ADGRD2: variants seen among roughly 807,000 people sequenced by gnomAD.
The protein encoded by ADGRD2 is G protein-coupled receptor PGR24.
A neutral mutation model predicts 44.4 loss-of-function variants in ADGRD2; 71 were observed. The ratio of observed to expected loss-of-function variants is 1.60; its 90% CI spans 1.32 to 1.95. The LOEUF (loss-of-function observed/expected upper bound fraction) is 1.95. ADGRD2 is among the 30% of genes most tolerant of loss of function. ADGRD2 has a pLI of 0.00. For missense variants in ADGRD2, 1,039 were observed against 512.4 expected (o/e 2.03, Z -9.92); for synonymous variants, 481 against 224.8 (o/e 2.14, Z -10.19).
At chr9:124,467,643 G>GAGTC in intron 11 of ADGRD2, 78 bp from the exon 15 acceptor site, 1 of 702,004 alleles carries the variant, frequency 1.4e-6, no homozygotes, top group Non-Finnish European at 2.6e-6. Flanking sequence ...GGGGGCCTTA[G>GAGTC]AGTCACCAGG....
At position 124,456,749 on chromosome 9, in the gene ADGRD2, C is replaced by T. The variant is rs933081694; in HGVS notation, c.1505+16C>T. ...CGCCATGCTGGTGAGCCTGCACCCA[C>T]CTGCCCACACGGCTGGACTCAGACC... On this transcript the variant is annotated intron_variant, in intron 7 of 21. Transcript: ENST00000334810. The T allele has an allele frequency of 1.4e-5, 10 of 705,404 alleles. No individual in the cohort carries two copies. The highest frequency in any genetic ancestry group is 2.3e-5 in the Non-Finnish European group (9 of 384,954). The allele number at this position is 705,404 out of a possible 1,614,324, so 43.7% of individuals were successfully genotyped here.
At chr9:124,468,023 G>C in intron 12 of ADGRD2, 65 bp from the exon 16 acceptor site, 2 of 717,814 alleles carry the variant, frequency 2.8e-6, no homozygotes, top group South Asian at 3.0e-5. Context: ...GGGCAGGACA[G>C]GGCCCTACGG....
chr9:124,471,270 C>T (rs1471465824), intron 17 of ADGRD2, among the ~76,000 whole-genome samples: 2 of 152,144 alleles, frequency 1.3e-5, no homozygotes, highest in Non-Finnish European at 2.9e-5. Context: ...TGGACCACCC[C>T]CCAGGCACCT....
intron 13 of ADGRD2, 148 bp downstream of exon 16, chr9:124,468,338 G>A: frequency 1.5e-6 from 1 of 674,594 alleles, no homozygotes; most frequent in Non-Finnish European, 2.7e-6. Context: ...CAGGGCCCCG[G>A]GAGGAAAGGG....
chr9:124,472,457 TTTTTTGTTTGTTTTTTGTTTTTGTTTTG>T (rs2131258150), intron 17 of ADGRD2, among the ~76,000 whole-genome samples: 1 of 22,528 alleles, frequency 4.4e-5, no homozygotes, highest in East Asian at 3.1e-3. Flanking sequence ...TGTTTGTTTG[TTTTTTGTTTGTTTTTTGTTTTTGTTTTG>T]TTTTTGTTTT....
chr9:124,467,355 A>C, intron 11 of ADGRD2: 1 of 180,670 alleles, frequency 5.5e-6, no homozygotes, highest in Non-Finnish European at 1.2e-5. Flanking sequence ...AAAAAAAAAA[A>C]AAAAAAAAAG....
At chr9:124,452,514 C>T (rs1306230832) in exon 2 of ADGRD2, 2 of 718,518 alleles carry the variant, frequency 2.8e-6, no homozygotes. Context: ...TTTTAGCCCC[C>T]GTGGCCGCCG....
intron 17 of ADGRD2, among the ~76,000 whole-genome samples, chr9:124,471,733 G>C (rs1831947908): frequency 6.6e-6 from 1 of 152,182 alleles, no homozygotes; most frequent in African/African-American, 2.4e-5. Context: ...TCATCCATGT[G>C]CTCTTCATGG....
intron 17 of ADGRD2, among the ~76,000 whole-genome samples, chr9:124,473,616 G>A (rs755303050): frequency 1.2e-4 from 19 of 152,368 alleles, no homozygotes; most frequent in Admixed American, 7.2e-4. Context: ...TGGCCTGCAC[G>A]CTGGGGGACA....
intron 21 of ADGRD2, among the ~76,000 whole-genome samples, 166 bp from the exon 25 acceptor site, chr9:124,478,115 G>C (rs982463051): frequency 6.6e-6 from 1 of 152,188 alleles, no homozygotes; most frequent in African/African-American, 2.4e-5. Context: ...CTGAAAGGCC[G>C]CGGAGCCCTC....
intron 3 of ADGRD2, 102 bp downstream of exon 6, chr9:124,453,778 T>C (rs1323551292): frequency 1.6e-6 from 1 of 624,428 alleles, no homozygotes; most frequent in Non-Finnish European, 2.9e-6. Flanking sequence ...CGCCTAGCTC[T>C]GGCCACGCCC....
exon 16 of ADGRD2, chr9:124,469,503 G>A (rs1211258506): frequency 5.6e-6 from 4 of 718,034 alleles, no homozygotes; most frequent in Non-Finnish European, 1.0e-5. Context: ...CCCGCATGTT[G>A]AGCCCACAGC....
intron 21 of ADGRD2, among the ~76,000 whole-genome samples, chr9:124,478,039 G>T (rs1021947780): frequency 6.6e-6 from 1 of 151,562 alleles, no homozygotes; most frequent in Non-Finnish European, 1.5e-5. Context: ...TCAGCGGCCC[G>T]AGCTGGAAGC....
chr9:124,469,244 G>A (rs1454858753), exon 15 of ADGRD2: 7 of 715,976 alleles, frequency 9.8e-6, no homozygotes, highest in African/African-American at 1.7e-5. Flanking sequence ...GCATCGTGGC[G>A]GTCACCCTGG....
chr9:124,453,332 G>A, exon 3 of ADGRD2: 1 of 504,800 alleles, frequency 2.0e-6, no homozygotes. Flanking sequence ...CACCATGTGT[G>A]CGCCACGTGG....
In ADGRD2 at chr9:124,454,442, G is replaced by T; in HGVS notation, c.1023-42G>T. The T allele has an allele frequency of 2.9e-6, 2 of 694,194 alleles. No individual in the cohort carries two copies. Among genetic ancestry groups the T allele is most frequent in the South Asian group, 1.5e-5 (1 of 66,800 alleles). 43.0% of individuals were successfully genotyped at this position (694,194 alleles called of 1,614,324 possible). A position where few individuals can be genotyped will look rare whatever the true frequency, so the allele number is the denominator to read the frequency against. ...TGAACAGGCTGGCATCTCTGGGCAG[G>T]GGTATTGCCCGGGGCCTAGCCTGGC... On this transcript the variant is annotated intron_variant, in intron 4 of 21. Coordinates refer to ENST00000334810, the Ensembl canonical transcript of ADGRD2. The surrounding 1 kb of genome is among the most constrained non-coding windows in gnomAD (Gnocchi z 4.5).
At chr9:124,467,537 G>A (rs1290157205) in intron 11 of ADGRD2, among the ~76,000 whole-genome samples, 184 bp from the exon 15 acceptor site, 1 of 152,162 alleles carries the variant, frequency 6.6e-6, no homozygotes. Flanking sequence ...GCCAGCAGGA[G>A]AGAAGGACAT....
intron 17 of ADGRD2, among the ~76,000 whole-genome samples, chr9:124,471,461 G>C (rs1199829246): frequency 6.6e-6 from 1 of 152,186 alleles, no homozygotes; most frequent in Non-Finnish European, 1.5e-5. Flanking sequence ...CTTGAAGAAG[G>C]AGAGCCAAGG....
intron 17 of ADGRD2, among the ~76,000 whole-genome samples, chr9:124,474,276 CA>C (rs397947760): frequency 0.031 from 2,535 of 80,602 alleles, 57 homozygotes; most frequent in African/African-American, 0.11. Context: ...AACTCTGTCT[CA>C]AAAAAAAAAA....
Sources: gnomAD v4.1 joint callset for allele counts (sites outside exome capture counted in the v4.1 genomes callset) on GRCh38, gnomAD v4.1.1 for gene constraint, Gnocchi (gnomAD v3.1) non-coding constraint, MANE v1.5 for transcripts, NCBI Gene and HGNC (gene_info 2026-07-23, HGNC 2026-07-21) for gene names.